The following UBN1 variants were observed in gnomAD, a reference collection of about 807,000 sequenced individuals.
UBN1 encodes the protein ubinuclein-1.
A neutral mutation model predicts 108.5 loss-of-function variants in UBN1; 17 were observed. The observed-to-expected ratio is 0.16, with a 90% CI of 0.11 to 0.24. The LOEUF is 0.24. UBN1 is among the 10% of genes least tolerant of loss of function. UBN1 has a pLI of 1.00. For missense variants in UBN1, 1,595 were observed against 1,394.4 expected (o/e 1.14, Z -2.29); for synonymous variants, 726 against 564.2 (o/e 1.29, Z -4.07).
chr16:4,860,591 G>A, intron 6 of UBN1, 73 bp from the exon 7 acceptor site: 1 of 1,450,270 alleles, frequency 6.9e-7, no homozygotes, highest in Non-Finnish European at 9.2e-7. Flanking sequence ...CCTGGGAGCA[G>A]GGGTGAAGGC....
rs371632942 is a variant in UBN1, at chr16:4,875,332, C to T, written c.2922C>T (p.Asn974=). The T allele has an allele frequency of 3.1e-5, 50 of 1,614,114 alleles. No homozygotes were observed. Among genetic ancestry groups the T allele is most frequent in the East Asian group, 8.9e-5 (4 of 44,898 alleles). Residue 974 remains asparagine, a synonymous_variant, in exon 15 of 18, where the codon AAC becomes AAT. Coordinates refer to ENST00000262376, the MANE Select transcript of UBN1 (RefSeq NM_001079514.3). ...LTLVAPPGGP[N]GDSSGGTQGV... ...TGGTAGCCCCTCCAGGCGGTCCAAA[C>T]GGAGATTCCAGTGGTGGGACCCAGG...
intron 2 of UBN1, among the ~76,000 whole-genome samples, chr16:4,854,098 A>G (rs925269154): frequency 1.3e-5 from 2 of 151,932 alleles, no homozygotes; most frequent in African/African-American, 4.8e-5. Context: ...CAGTGGCACC[A>G]TCTTGTCTCA....
At chr16:4,856,741 A>G (rs1395587468) in intron 2 of UBN1, among the ~76,000 whole-genome samples, 1 of 152,218 alleles carries the variant, frequency 6.6e-6, no homozygotes, top group African/African-American at 2.4e-5. Context: ...GGTTGGTGGG[A>G]TTTCTTACAG....
At position 4,852,990 on chromosome 16, in the gene UBN1, C is replaced by T. The variant is rs774276487; in HGVS notation, c.73C>T (p.Arg25Trp). Reference protein sequence around the residue: ...SLNPAFLKKSRKEEAGAGEQH... With the variant: ...SLNPAFLKKSWKEEAGAGEQH... Reference sequence around the variant, plus strand: ...GAATCCTGCGTTTTTGAAGAAGTCCCGGAAGGAGGAGGCTGGGGCAGGAGA... The same window carrying T: ...GAATCCTGCGTTTTTGAAGAAGTCCTGGAAGGAGGAGGCTGGGGCAGGAGA... Residue 25 changes from arginine (R) to tryptophan (W), a missense_variant, in exon 2 of 18, where the codon CGG becomes TGG. Arg to Trp is a moderately radical substitution (Grantham distance 101). This residue lies in a region of UBN1 where 181 missense variants were observed against 157.3 expected (regional missense o/e 1.15). Transcript: ENST00000262376. 6.8e-6 allele frequency: 11 copies of T among 1,614,158 alleles called. No individual in the cohort carries two copies. The highest frequency in any genetic ancestry group is 4.4e-5 in the South Asian group (4 of 91,086).
rs1347062469 is a variant in UBN1, at chr16:4,859,140, A to C, written c.548A>C (p.Lys183Thr). ...TCTGAAGATGACTTCATTAAAGAAA[A>C]GAAGAAAAAATCTCCAAAGGTTAGA... ...SESEDDFIKE[K>T]KKKSPKKRKL... Residue 183 changes from lysine (K) to threonine (T), a missense_variant, in exon 5 of 18, where the codon AAG becomes ACG. Transcript: ENST00000262376. 2 of 1,613,360 alleles carry C rather than the reference A, an allele frequency of 1.2e-6. 1 individual carries two copies. Among genetic ancestry groups the C allele is most frequent in the Non-Finnish European group, 1.7e-6 (2 of 1,179,886 alleles).
At chr16:4,876,668 A>G (rs1300065183) in intron 15 of UBN1, among the ~76,000 whole-genome samples, 2 of 152,152 alleles carry the variant, frequency 1.3e-5, no homozygotes, top group Admixed American at 1.3e-4. Context: ...CCTGGAATCC[A>G]TTCCATGTTG....
In UBN1 at chr16:4,857,980, C is replaced by A; in HGVS notation, c.250-10C>A. ...TCTGACTTATTTTTTGTGGAACGATCTCTTTACAGAAGAAAGATCTGTCAG... is the reference window on the plus strand; with the variant it reads ...TCTGACTTATTTTTTGTGGAACGATATCTTTACAGAAGAAAGATCTGTCAG... On this transcript the variant is annotated splice_polypyrimidine_tract_variant and intron_variant, in intron 2 of 17. Coordinates refer to ENST00000262376, the MANE Select transcript of UBN1 (RefSeq NM_001079514.3). 6.3e-7 allele frequency: 1 copy of A among 1,599,208 alleles called. No homozygotes were observed. Among genetic ancestry groups the A allele is most frequent in the African/African-American group, 1.3e-5 (1 of 74,276 alleles).
rs1255821793 is a variant in UBN1 at position 4,875,285 on chromosome 16, C to A, written c.2875C>A (p.Pro959Thr). Residue 959 changes from proline (P) to threonine (T), a missense_variant, in exon 15 of 18, where the codon CCT becomes ACT. Coordinates refer to ENST00000262376, the MANE Select transcript of UBN1 (RefSeq NM_001079514.3). The stretch of plus-strand genomic sequence containing the variant: ...CCCAAGTTCAGCAGGGAAAAAAATG[C>A]CTGTTTCCCAGAAGTTGACTCTGGT... ...PVPSSAGKKM[P>T]VSQKLTLVAP... is the part of the protein sequence containing the mutation. 1 of 1,614,218 alleles carries A rather than the reference C, an allele frequency of 6.2e-7. No individual in the cohort carries two copies. Among genetic ancestry groups the A allele is most frequent in the Non-Finnish European group, 8.5e-7 (1 of 1,180,044 alleles).
chr16:4,869,477 T>C (rs2087503021), intron 8 of UBN1, among the ~76,000 whole-genome samples: 1 of 152,258 alleles, frequency 6.6e-6, no homozygotes, highest in Non-Finnish European at 1.5e-5. Context: ...CCTTGTGGCC[T>C]GGCCTGCAGT....
At position 4,850,775 on chromosome 16, in the gene UBN1, G is replaced by T. The variant is rs1031969158; in HGVS notation, c.-39-2104G>T. Among the ~76,000 whole-genome samples the T allele has an allele frequency of 3.3e-5, 5 of 152,150 alleles. No homozygotes were observed. In the East Asian group the frequency reaches 9.6e-4, roughly 29 times the overall value. On this transcript the variant is annotated intron_variant, in intron 1 of 17. Transcript: ENST00000262376. ...TGGATATATACAAATACGTCTACAT[G>T]TATGTGGATATATACGATATATGCT... is the stretch of plus-strand genomic sequence containing the variant.
At chr16:4,861,898 C>T (rs571684148) in intron 7 of UBN1, among the ~76,000 whole-genome samples, 1 of 152,246 alleles carries the variant, frequency 6.6e-6, no homozygotes, top group Non-Finnish European at 1.5e-5. Flanking sequence ...GTGGAGATTG[C>T]GCCAGTGCAC....
intron 7 of UBN1, among the ~76,000 whole-genome samples, chr16:4,868,160 T>TCGTGGCTGCCTGC (rs1353025204): frequency 6.6e-6 from 1 of 152,186 alleles, no homozygotes; most frequent in African/African-American, 2.4e-5. Context: ...TCCCGCTGTG[T>TCGTGGCTGCCTGC]CGTGGCTGCC....
Position 4,874,467 on chromosome 16 carries a change from G to C in UBN1, c.2057G>C (p.Arg686Thr). The C allele has an allele frequency of 6.2e-7, 1 of 1,614,204 alleles. No individual in the cohort carries two copies. Among genetic ancestry groups the C allele is most frequent in the Non-Finnish European group, 8.5e-7 (1 of 1,180,038 alleles). Residue 686 changes from arginine (R) to threonine (T), a missense_variant, in exon 15 of 18, where the codon AGA becomes ACA. Around this residue, in one of 3 missense-constraint regions of UBN1, gnomAD observed 1,398 missense variants for 1,194.7 expected, o/e 1.17. Transcript: ENST00000262376. ...VSKELAALNS[R>T]AAGNSEFTLP... is the part of the protein sequence containing the mutation. ...AAGGAATTGGCTGCATTGAATAGCAGAGCAGCTGGGAACTCTGAATTCACA... is the reference window on the plus strand; with the variant it reads ...AAGGAATTGGCTGCATTGAATAGCACAGCAGCTGGGAACTCTGAATTCACA...
At position 4,877,781 on chromosome 16, in the gene UBN1, T is replaced by C. The variant is rs534778584; in HGVS notation, c.3355+307T>C. 387 of 1,112,604 alleles carry C rather than the reference T, an allele frequency of 3.5e-4. No individual in the cohort carries two copies. The highest frequency in any genetic ancestry group is 4.1e-4 in the Non-Finnish European group (376 of 914,074). 68.9% of individuals were successfully genotyped at this position (1,112,604 alleles called of 1,614,324 possible). ...GGAGGAGTTCCTAACCCTCGGCTTGTTTTTTTCTCTTCAGTTTAAAAAAAA... is the reference window on the plus strand; with the variant it reads ...GGAGGAGTTCCTAACCCTCGGCTTGCTTTTTTCTCTTCAGTTTAAAAAAAA... On this transcript the variant is annotated intron_variant, in intron 17 of 17. Transcript: ENST00000262376. This position sits in a 1 kb window ranked among gnomAD's most constrained non-coding sequence, Gnocchi z 4.3.
intron 14 of UBN1, 149 bp from the exon 15 acceptor site, chr16:4,874,062 C>A: frequency 1.0e-6 from 1 of 995,430 alleles, no homozygotes; most frequent in Non-Finnish European, 1.4e-6. Context: ...AAGGCGGGCA[C>A]AGCTCCTGCT....
intron 7 of UBN1, among the ~76,000 whole-genome samples, chr16:4,863,787 A>G (rs993789963): frequency 6.6e-5 from 10 of 152,196 alleles, no homozygotes; most frequent in Non-Finnish European, 8.8e-5. Flanking sequence ...TCAGCTGGCA[A>G]GTTGGCCAGG....
rs779249801 is a variant in UBN1, at chr16:4,859,099, T to G, written c.507T>G (p.Phe169Leu). 1 of 1,614,204 alleles carries G rather than the reference T, an allele frequency of 6.2e-7. No individual in the cohort carries two copies. Among genetic ancestry groups the G allele is most frequent in the Non-Finnish European group, 8.5e-7 (1 of 1,180,028 alleles). Reference sequence around the variant, plus strand: ...ACATTAACTCGGGAACCCTGCAGTTTAGACAAGCATCAGAGTCTGAAGATG... The same window carrying G: ...ACATTAACTCGGGAACCCTGCAGTTGAGACAAGCATCAGAGTCTGAAGATG... ...GFYINSGTLQFRQASESEDDF... is the reference protein window; with the variant it reads ...GFYINSGTLQLRQASESEDDF... The change falls in exon 5 of 18, where the codon TTT (phenylalanine) becomes TTG (leucine). Residue 169 changes from phenylalanine to leucine, a missense_variant. This residue lies in a region of UBN1 where 1,398 missense variants were observed against 1,194.7 expected (regional missense o/e 1.17). Transcript: ENST00000262376.
At position 4,868,912 on chromosome 16, in the gene UBN1, C is replaced by CGTCTGTCT; in HGVS notation, c.1181+28_1181+35dup. On this transcript the variant is annotated intron_variant, in intron 8 of 17. Transcript: ENST00000262376. Reference sequence around the variant, plus strand: ...AATGGAATCCTATTAGAGTGAGTATCGTCTGTCTGTCTGTCTGTCTGTCTG... The same window carrying CGTCTGTCT: ...AATGGAATCCTATTAGAGTGAGTATCGTCTGTCTGTCTGTCTGTCTGTCTGTCTGTCTG... The CGTCTGTCT allele has an allele frequency of 2.5e-6, 4 of 1,612,572 alleles. No homozygotes were observed. The highest frequency in any genetic ancestry group is 1.1e-5 in the South Asian group (1 of 90,938).
chr16:4,870,274 C>A lies in UBN1; in HGVS notation c.1244C>A (p.Ala415Glu), dbSNP rs770318893. Residue 415 changes from alanine to glutamate, a missense_variant, in exon 9 of 18, where the codon GCG becomes GAG. Ala to Glu is a moderately radical substitution (Grantham distance 107). Around this residue, in one of 3 missense-constraint regions of UBN1, gnomAD observed 1,398 missense variants for 1,194.7 expected, o/e 1.17. Coordinates refer to ENST00000262376, the MANE Select transcript of UBN1 (RefSeq NM_001079514.3). ...CGCTCTGGGGTGTATGCCTATCTTGCGTCATTCCTGCCCTGCAGCAAGGAT... is the reference window on the plus strand; with the variant it reads ...CGCTCTGGGGTGTATGCCTATCTTGAGTCATTCCTGCCCTGCAGCAAGGAT... The part of the protein sequence containing the change: ...QVRSGVYAYL[A>E]SFLPCSKDAL... 1 of 1,614,230 alleles carries A rather than the reference C, an allele frequency of 6.2e-7. No homozygotes were observed. Among genetic ancestry groups the A allele is most frequent in the South Asian group, 1.1e-5 (1 of 91,084 alleles).
Sources: allele counts gnomAD v4.1 joint callset (sites outside exome capture counted in the v4.1 genomes callset), GRCh38; gene constraint gnomAD v4.1.1; regional missense constraint gnomAD v4.1.1; non-coding constraint Gnocchi (gnomAD v3.1); transcripts MANE v1.5; gene names NCBI Gene and HGNC (gene_info 2026-07-23, HGNC 2026-07-21).